Variants in CIMIP6 observed in about 807,000 individuals in gnomAD.
CIMIP6 encodes the protein uncharacterized protein C2orf73.
chr2:54,342,085 T>C, the CIMIP6 span, among the ~76,000 whole-genome samples: 4 of 152,202 alleles, frequency 2.6e-5, no homozygotes, highest in African/African-American at 9.6e-5. Context: ...CTGCAGAAAT[T>C]ACCCCAGTTA....
chr2:54,353,146 A>G, the CIMIP6 span, among the ~76,000 whole-genome samples: 5 of 152,156 alleles, frequency 3.3e-5, no homozygotes, highest in Admixed American at 6.5e-5. Flanking sequence ...AGGATTTTTC[A>G]GATGTGGAAA....
chr2:54,382,023 T>C, the CIMIP6 span: 1 of 1,501,218 alleles, frequency 6.7e-7, no homozygotes, highest in East Asian at 2.6e-5. Context: ...ATGAGGAAGC[T>C]AAGGCCCAGA....
the CIMIP6 span, among the ~76,000 whole-genome samples, chr2:54,374,780 G>A: frequency 1.3e-5 from 2 of 152,190 alleles, no homozygotes; most frequent in Non-Finnish European, 2.9e-5. Context: ...TTTGCTTCTA[G>A]AGCAAATGAT....
chr2:54,343,696 T>C, the CIMIP6 span: 1 of 1,544,742 alleles, frequency 6.5e-7, no homozygotes, highest in Non-Finnish European at 8.7e-7. Context: ...TCCAATATTG[T>C]GTTTCCAATT....
the CIMIP6 span, among the ~76,000 whole-genome samples, chr2:54,346,738 C>T: frequency 1.3e-5 from 2 of 152,178 alleles, no homozygotes; most frequent in African/African-American, 4.8e-5. Flanking sequence ...TCACTGTAAC[C>T]AGTGCAGTAC....
At chr2:54,342,376 G>T in the CIMIP6 span, among the ~76,000 whole-genome samples, 1 of 152,056 alleles carries the variant, frequency 6.6e-6, no homozygotes, top group African/African-American at 2.4e-5. Flanking sequence ...ATTTCACTCA[G>T]CTATGAACAA....
At chr2:54,362,085 A>C in the CIMIP6 span, among the ~76,000 whole-genome samples, 1 of 152,204 alleles carries the variant, frequency 6.6e-6, no homozygotes, top group South Asian at 2.1e-4. Flanking sequence ...TAGGAATATG[A>C]ATTTACATGT....
chr2:54,342,859 T>C, the CIMIP6 span, among the ~76,000 whole-genome samples: 9 of 152,084 alleles, frequency 5.9e-5, no homozygotes, highest in African/African-American at 1.9e-4. Context: ...CTAGGTGTCA[T>C]AGGGTTTCTC....
the CIMIP6 span, among the ~76,000 whole-genome samples, chr2:54,378,863 TAA>T: frequency 6.6e-6 from 1 of 152,232 alleles, no homozygotes; most frequent in Non-Finnish European, 1.5e-5. Flanking sequence ...TCTCTACTCC[TAA>T]GTTTGTGCTT....
At chr2:54,341,750 C>T in the CIMIP6 span, among the ~76,000 whole-genome samples, 1 of 152,142 alleles carries the variant, frequency 6.6e-6, no homozygotes, top group Non-Finnish European at 1.5e-5. Flanking sequence ...GTGGATGTGC[C>T]TGCCTCATAG....
At chr2:54,350,172 A>G in the CIMIP6 span, among the ~76,000 whole-genome samples, 3 of 146,694 alleles carry the variant, frequency 2.0e-5, no homozygotes, top group Non-Finnish European at 4.5e-5. Flanking sequence ...TTATTTTTAA[A>G]GTTATTATTT....
the CIMIP6 span, chr2:54,382,094 CA>C: frequency 1.5e-6 from 2 of 1,301,484 alleles, no homozygotes; most frequent in African/African-American, 3.0e-5. Flanking sequence ...AGTCTGATTA[CA>C]AAGCACAAAT....
the CIMIP6 span, among the ~76,000 whole-genome samples, chr2:54,341,215 G>T: frequency 6.6e-6 from 1 of 152,144 alleles, no homozygotes; most frequent in East Asian, 1.9e-4. Flanking sequence ...AATTTCCATT[G>T]TAACTGTATT....
At chr2:54,341,653 G>C in the CIMIP6 span, among the ~76,000 whole-genome samples, 2 of 152,186 alleles carry the variant, frequency 1.3e-5, no homozygotes, top group Non-Finnish European at 2.9e-5. Flanking sequence ...AAAGAGGTTG[G>C]GGTTTGAATT....
chr2:54,331,082 G>C, the CIMIP6 span: 2 of 1,423,532 alleles, frequency 1.4e-6, no homozygotes, highest in African/African-American at 1.4e-5. Flanking sequence ...ATCCAGCATG[G>C]ACAGTCCAGG....
chr2:54,367,295 A>T, the CIMIP6 span, among the ~76,000 whole-genome samples: 1 of 152,122 alleles, frequency 6.6e-6, no homozygotes, highest in Non-Finnish European at 1.5e-5. Flanking sequence ...TTATTCTGAT[A>T]ATAGATTCTA....
the CIMIP6 span, among the ~76,000 whole-genome samples, chr2:54,346,592 C>A: frequency 1.3e-5 from 2 of 152,178 alleles, no homozygotes; most frequent in African/African-American, 2.4e-5. Context: ...ACTCTCCCAC[C>A]AGGTGTTCAA....
the CIMIP6 span, among the ~76,000 whole-genome samples, chr2:54,357,844 C>T: frequency 6.6e-6 from 1 of 152,006 alleles, no homozygotes; most frequent in African/African-American, 2.4e-5. Context: ...CTCTGCCTCC[C>T]AAAGTGCTGG....
the CIMIP6 span, among the ~76,000 whole-genome samples, chr2:54,363,983 G>T: frequency 6.6e-6 from 1 of 152,160 alleles, no homozygotes; most frequent in Non-Finnish European, 1.5e-5. Flanking sequence ...GGCTAGGTTG[G>T]TTCTCAATCT....
Sources: allele counts gnomAD v4.1 joint callset (sites outside exome capture counted in the v4.1 genomes callset), GRCh38; gene constraint gnomAD v4.1.1; transcripts MANE v1.5; gene names NCBI Gene and HGNC (gene_info 2026-07-23, HGNC 2026-07-21).